Variants in SLC4A4 observed in about 807,000 individuals in gnomAD.
SLC4A4 encodes solute carrier family 4 member 4.
A neutral mutation model predicts 111.5 loss-of-function variants in SLC4A4; 27 were observed. The observed-to-expected ratio is 0.24, with a 90% CI of 0.18 to 0.33. The LOEUF (loss-of-function observed/expected upper bound fraction) is 0.33. SLC4A4 is among the 10% of genes least tolerant of loss of function. The pLI is 1.00. For missense variants in SLC4A4, 909 were observed against 1,315.5 expected, an observed-to-expected ratio of 0.69 and a Z score of 4.78; for synonymous variants, 443 against 463.4, an observed-to-expected ratio of 0.96 and a Z score of 0.57.
chr4:71,093,792 G>C (rs76988637), intron 2 of SLC4A4, among the ~76,000 whole-genome samples: 1 of 152,048 alleles, frequency 6.6e-6, no homozygotes. Context: ...GTCTTACAAT[G>C]GTGGGTCATT....
chr4:71,202,167 A>G (rs1168072140), intron 1 of SLC4A4, among the ~76,000 whole-genome samples: 1 of 152,222 alleles, frequency 6.6e-6, no homozygotes, highest in Non-Finnish European at 1.5e-5. Flanking sequence ...AAATTGCTTT[A>G]TTTCTTAAAC....
intron 3 of SLC4A4, among the ~76,000 whole-genome samples, chr4:71,307,363 T>C (rs1383745765): frequency 6.6e-6 from 1 of 152,206 alleles, no homozygotes; most frequent in Non-Finnish European, 1.5e-5. Flanking sequence ...TTTTTAATTA[T>C]TTAAGGTGAA....
intron 7 of SLC4A4, among the ~76,000 whole-genome samples, chr4:71,420,310 A>G (rs979397095): frequency 4.6e-5 from 7 of 152,164 alleles, no homozygotes; most frequent in African/African-American, 1.7e-4. Context: ...GAAACGAACA[A>G]AGCCTCCAAG....
rs79324746 is a variant in SLC4A4, at chr4:71,274,002, G to A, written c.253+18603G>A. Among the ~76,000 whole-genome samples the A allele has an allele frequency of 9.5e-3, 1,449 of 152,248 alleles. 20 individuals are homozygous for A. Among genetic ancestry groups the A allele is most frequent in the Non-Finnish European group, 0.014 (986 of 68,016 alleles). On this transcript the variant is annotated intron_variant, in intron 3 of 25. Transcript: ENST00000264485. Reference sequence around the variant, plus strand: ...TGAAACTTGAACAACATGGGAGTTAGGGGCACTGACCTAACACCGTCAAAT... The same window carrying A: ...TGAAACTTGAACAACATGGGAGTTAAGGGCACTGACCTAACACCGTCAAAT...
At chr4:71,324,159 A>G (rs1211455396) in intron 3 of SLC4A4, among the ~76,000 whole-genome samples, 1 of 151,892 alleles carries the variant, frequency 6.6e-6, no homozygotes, top group Admixed American at 6.6e-5. Context: ...GTTTCTGTGA[A>G]CCTATTTCTT....
At chr4:71,311,665 T>C (rs1247256428) in intron 3 of SLC4A4, among the ~76,000 whole-genome samples, 6 of 152,132 alleles carry the variant, frequency 3.9e-5, no homozygotes, top group Non-Finnish European at 8.8e-5. Context: ...TACTGGAATC[T>C]CTGGGACACA....
chr4:71,546,634 A>T, intron 19 of SLC4A4, 106 bp downstream of exon 19: 1 of 944,958 alleles, frequency 1.1e-6, no homozygotes, highest in Middle Eastern at 2.7e-4. Context: ...GCTTGTGATG[A>T]TTAATTTATT....
chr4:71,089,930 A>C (rs529721515), intron 1 of SLC4A4, among the ~76,000 whole-genome samples: 19,493 of 66,318 alleles, frequency 0.29, 4,664 homozygotes, highest in East Asian at 0.5. Flanking sequence ...AGCTGTCAGA[A>C]AAGGGCATTT....
At chr4:71,399,497 C>T (rs940442319) in intron 7 of SLC4A4, among the ~76,000 whole-genome samples, 2 of 141,354 alleles carry the variant, frequency 1.4e-5, no homozygotes, top group African/African-American at 2.6e-5. Flanking sequence ...CTCCCTCCCT[C>T]CCTTCCTTCC....
chr4:71,242,572 G>A (rs1022953102), intron 2 of SLC4A4, among the ~76,000 whole-genome samples: 9 of 152,070 alleles, frequency 5.9e-5, no homozygotes, highest in Admixed American at 2.6e-4. Flanking sequence ...AGCAATTGCT[G>A]CTGTACCTGG....
intron 23 of SLC4A4, among the ~76,000 whole-genome samples, chr4:71,560,626 A>G (rs1736893319): frequency 6.6e-6 from 1 of 151,784 alleles, no homozygotes; most frequent in Non-Finnish European, 1.5e-5. Context: ...TAATAACTCA[A>G]TTTTATGTAA....
At chr4:71,083,736 C>T (rs992820259) in intron 1 of SLC4A4, among the ~76,000 whole-genome samples, 6 of 151,800 alleles carry the variant, frequency 4.0e-5, no homozygotes, top group African/African-American at 1.5e-4. Context: ...TCCAGCTTCA[C>T]TCCGTTCTAG....
chr4:71,563,799 T>C lies in SLC4A4; in HGVS notation c.3106T>C (p.Cys1036Arg), dbSNP rs1448705714. 6.2e-7 allele frequency: 1 copy of C among 1,601,912 alleles called. No homozygotes were observed. Among genetic ancestry groups the C allele is most frequent in the African/African-American group, 1.3e-5 (1 of 74,526 alleles). The change falls in exon 24 of 26, where the codon TGC (cysteine) becomes CGC (arginine). Residue 1036 changes from cysteine (C) to arginine (R), a missense_variant. Around this residue, in one of 7 missense-constraint regions of SLC4A4, gnomAD observed 85 missense variants for 79.8 expected, o/e 1.07. Coordinates refer to ENST00000264485, the MANE Select transcript of SLC4A4 (RefSeq NM_001098484.3). ...TTGTACATTTTTTTCACAGTCTGAC[T>C]GCCCATACTCAGAAAAAGTTCCAAG... The part of the protein sequence containing the change: ...SLDSDNDDSD[C>R]PYSEKVPSIK...
intron 16 of SLC4A4, among the ~76,000 whole-genome samples, chr4:71,517,339 A>G (rs1400774116): frequency 6.6e-6 from 1 of 151,768 alleles, no homozygotes; most frequent in Non-Finnish European, 1.5e-5. Flanking sequence ...CTTTAAGTTC[A>G]CAGATTCTTC....
intron 13 of SLC4A4, among the ~76,000 whole-genome samples, chr4:71,469,254 T>C (rs1235673644): frequency 6.6e-6 from 1 of 151,970 alleles, no homozygotes; most frequent in African/African-American, 2.4e-5. Context: ...ACAATTAAGG[T>C]TGGATTTTAA....
intron 1 of SLC4A4, among the ~76,000 whole-genome samples, chr4:71,207,814 C>G (rs1366069153): frequency 2.0e-5 from 3 of 152,094 alleles, no homozygotes; most frequent in Admixed American, 1.3e-4. Context: ...GGAAGGCTTT[C>G]CTCCTTTTTC....
chr4:71,466,931 A>AAGAGAGAGAG (rs61128918), intron 13 of SLC4A4, among the ~76,000 whole-genome samples: 29 of 94,816 alleles, frequency 3.1e-4, no homozygotes, highest in African/African-American at 8.6e-4. Flanking sequence ...ACAAGACGGG[A>AAGAGAGAGAG]AGAGAGAGAG....
chr4:71,341,901 C>A (rs774580043), intron 4 of SLC4A4, among the ~76,000 whole-genome samples: 86 of 151,882 alleles, frequency 5.7e-4, no homozygotes, highest in Non-Finnish European at 1.1e-3. Context: ...ATAACTTAAA[C>A]AATGCCCAGA....
intron 7 of SLC4A4, among the ~76,000 whole-genome samples, chr4:71,426,934 C>A (rs1723197838): frequency 6.6e-6 from 1 of 151,934 alleles, no homozygotes; most frequent in African/African-American, 2.4e-5. Context: ...AAGTATTCCC[C>A]ACCAAGGGAG....
Sources: allele counts gnomAD v4.1 joint callset (sites outside exome capture counted in the v4.1 genomes callset), GRCh38; gene constraint gnomAD v4.1.1; regional missense constraint gnomAD v4.1.1; transcripts MANE v1.5; gene names NCBI Gene and HGNC (gene_info 2026-07-23, HGNC 2026-07-21).